MARVELD2: variants seen among roughly 807,000 people sequenced by gnomAD.
The protein encoded by MARVELD2 is MARVEL domain containing 2.
A neutral mutation model predicts 57.6 loss-of-function variants in MARVELD2; 49 were observed. The observed-to-expected ratio is 0.85, with a 90% CI of 0.68 to 1.08. The LOEUF is 1.08. Ranked by LOEUF, MARVELD2 falls within the 50% of genes least tolerant of loss-of-function variation. The probability of loss-of-function intolerance (pLI) is 0.00; values close to 1 mark genes in which losing one functional copy is unlikely to be tolerated. For synonymous variants in MARVELD2, 238 were observed against 258.8 expected, an observed-to-expected ratio of 0.92 and a Z score of 0.77; for missense variants, 606 against 701.1, an observed-to-expected ratio of 0.86 and a Z score of 1.53.
chr5:69,420,518 T>C lies in MARVELD2; in HGVS notation c.1133T>C (p.Met378Thr), dbSNP rs199545744. ...GCAGCTCGGAGACATAGAGAATATA[T>C]GGAACAACAGGAGGTAAGTGATTTC... ...HEAARRHREY[M>T]EQQEINEPSL... is the part of the protein sequence containing the mutation. Residue 378 changes from methionine (M) to threonine (T), a missense_variant, in exon 2 of 7, where the codon ATG (methionine) becomes ACG (threonine). Coordinates refer to ENST00000325631, the MANE Select transcript of MARVELD2 (RefSeq NM_001038603.3). 1.2e-5 allele frequency: 19 copies of C among 1,611,066 alleles called. No individual in the cohort carries two copies. Among genetic ancestry groups the C allele is most frequent in the South Asian group, 1.1e-5 (1 of 91,080 alleles).
chr5:69,439,079 AAAGAAG>A (rs1307657940), intron 5 of MARVELD2, among the ~76,000 whole-genome samples: 1 of 150,446 alleles, frequency 6.6e-6, no homozygotes, highest in Non-Finnish European at 1.5e-5. Context: ...AAAAAAAAAA[AAAGAAG>A]AAGAAAATAT....
chr5:69,432,885 G>A (rs762852509), intron 4 of MARVELD2, 37 bp from the exon 5 acceptor site: 2 of 1,613,446 alleles, frequency 1.2e-6, no homozygotes, highest in Non-Finnish European at 8.5e-7. Flanking sequence ...TTCTTTTAGT[G>A]AAACAATTAT....
At chr5:69,436,786 G>A (rs1317682099) in intron 5 of MARVELD2, among the ~76,000 whole-genome samples, 3 of 152,118 alleles carry the variant, frequency 2.0e-5, no homozygotes, top group Admixed American at 6.6e-5. Flanking sequence ...GATCAGCACA[G>A]GCTGGGAAAT....
At chr5:69,438,094 A>G (rs753456330) in intron 5 of MARVELD2, among the ~76,000 whole-genome samples, 3 of 152,204 alleles carry the variant, frequency 2.0e-5, no homozygotes, top group Non-Finnish European at 1.5e-5. Context: ...TCCCCATGGA[A>G]GCATGTGAGG....
chr5:69,421,430 A>T (rs1038483499), intron 2 of MARVELD2, among the ~76,000 whole-genome samples: 1 of 152,124 alleles, frequency 6.6e-6, no homozygotes, highest in Admixed American at 6.6e-5. Flanking sequence ...TAACTATATT[A>T]TGAATTTTTG....
chr5:69,418,231 C>T (rs2150911632), intron 1 of MARVELD2, among the ~76,000 whole-genome samples: 1 of 152,210 alleles, frequency 6.6e-6, no homozygotes, highest in East Asian at 1.9e-4. Flanking sequence ...TGAGTCTTGG[C>T]AGGGTGTGAA....
chr5:69,439,220 G>A (rs1767253630), intron 5 of MARVELD2, among the ~76,000 whole-genome samples: 1 of 151,670 alleles, frequency 6.6e-6, no homozygotes, highest in African/African-American at 2.4e-5. Context: ...GAGTGCAGTG[G>A]CGTGATCTTG....
At chr5:69,426,541 G>A (rs561380746) in intron 3 of MARVELD2, among the ~76,000 whole-genome samples, 1 of 151,688 alleles carries the variant, frequency 6.6e-6, no homozygotes, top group East Asian at 1.9e-4. Context: ...CACCATGTTG[G>A]TCAGGCTGGT....
At chr5:69,424,205 C>G (rs1161598536) in intron 2 of MARVELD2, among the ~76,000 whole-genome samples, 1 of 152,166 alleles carries the variant, frequency 6.6e-6, no homozygotes, top group Non-Finnish European at 1.5e-5. Flanking sequence ...CTGTACGTTG[C>G]TATAACTTCC....
At chr5:69,425,941 T>G (rs1766777741) in intron 3 of MARVELD2, among the ~76,000 whole-genome samples, 1 of 151,804 alleles carries the variant, frequency 6.6e-6, no homozygotes, top group South Asian at 2.1e-4. Context: ...TGTTAGCTAG[T>G]TTCACGAGGT....
intron 3 of MARVELD2, among the ~76,000 whole-genome samples, chr5:69,432,178 T>G (rs1281052403): frequency 6.6e-6 from 1 of 152,076 alleles, no homozygotes; most frequent in South Asian, 2.1e-4. Context: ...TCCCAGCTAA[T>G]TTTTGTATTT....
intron 3 of MARVELD2, among the ~76,000 whole-genome samples, chr5:69,429,234 C>T (rs1384007415): frequency 6.6e-6 from 1 of 152,032 alleles, no homozygotes; most frequent in Non-Finnish European, 1.5e-5. Context: ...GCAGCCTCCA[C>T]ACCTAATCCA....
intron 3 of MARVELD2, among the ~76,000 whole-genome samples, chr5:69,425,398 AAAAT>A (rs1192415976): frequency 6.9e-6 from 1 of 145,008 alleles, no homozygotes; most frequent in Non-Finnish European, 1.5e-5. Context: ...GTATAATAAA[AAAAT>A]ATATATATAT....
chr5:69,420,250 T>C lies in MARVELD2; in HGVS notation c.865T>C (p.Trp289Arg), dbSNP rs751950671. ...GACCATTCTTCTGGACTCTAATTGG[T>C]GGCCCCTAACTGAATTTGGAATTAA... ...YRTILLDSNW[W>R]PLTEFGINVA... Residue 289 changes from tryptophan (W) to arginine (R), a missense_variant, in exon 2 of 7, where the codon TGG becomes CGG. Coordinates refer to ENST00000325631, the MANE Select transcript of MARVELD2 (RefSeq NM_001038603.3). The C allele has an allele frequency of 6.2e-7, 1 of 1,614,196 alleles. No homozygotes were observed. The highest frequency in any genetic ancestry group is 8.5e-7 in the Non-Finnish European group (1 of 1,180,026).
intron 5 of MARVELD2, among the ~76,000 whole-genome samples, chr5:69,438,874 G>A (rs1767238382): frequency 1.3e-5 from 2 of 151,400 alleles, no homozygotes; most frequent in African/African-American, 2.4e-5. Context: ...TGACAGAATT[G>A]AGACTCCATC....
Position 69,432,627 on chromosome 5 carries a change from TC to T in MARVELD2, c.1289del (p.Pro430GlnfsTer9), listed in dbSNP as rs1283422805. 2.5e-6 allele frequency: 4 copies of T among 1,613,876 alleles called. No homozygotes were observed. The highest frequency in any genetic ancestry group is 1.3e-5 in the African/African-American group (1 of 74,864). ...KMKPELLSGH[I>X]PPGHIPKPIV... is the part of the protein sequence containing the mutation. ...AAACCTGAACTACTGAGTGGACACA[TC>T]CCCCCAGGCCACATTCCTAAACCTA... On this transcript the variant is annotated frameshift_variant, in exon 4 of 7. Coordinates refer to ENST00000325631, the MANE Select transcript of MARVELD2 (RefSeq NM_001038603.3). LOFTEE classifies it high-confidence loss of function.
chr5:69,432,162 C>G (rs1766985138), intron 3 of MARVELD2, among the ~76,000 whole-genome samples: 1 of 152,112 alleles, frequency 6.6e-6, no homozygotes, highest in Non-Finnish European at 1.5e-5. Context: ...AGGCACCCGC[C>G]ACCACTCCCA....
intron 3 of MARVELD2, among the ~76,000 whole-genome samples, chr5:69,425,583 T>C (rs961276478): frequency 1.3e-5 from 2 of 151,648 alleles, no homozygotes; most frequent in Non-Finnish European, 2.9e-5. Flanking sequence ...TGAAATTTAA[T>C]TATTTTTTAA....
At chr5:69,431,442 G>A (rs1766961265) in intron 3 of MARVELD2, among the ~76,000 whole-genome samples, 1 of 151,922 alleles carries the variant, frequency 6.6e-6, no homozygotes, top group African/African-American at 2.4e-5. Context: ...TCCACTCAGT[G>A]GTTACTTACA....
Sources: allele counts gnomAD v4.1 joint callset (sites outside exome capture counted in the v4.1 genomes callset), GRCh38; gene constraint gnomAD v4.1.1; transcripts MANE v1.5; gene names NCBI Gene and HGNC (gene_info 2026-07-23, HGNC 2026-07-21).